Variants in MAN1A2 observed in about 807,000 individuals in gnomAD.
MAN1A2 encodes the protein mannosyl-oligosaccharide 1,2-alpha-mannosidase IB.
Under a neutral mutation model 75.7 loss-of-function variants are expected in MAN1A2, and 26 were observed. The ratio of observed to expected loss-of-function variants is 0.34; its 90% CI spans 0.25 to 0.48. The LOEUF (loss-of-function observed/expected upper bound fraction) is 0.48, where lower values mean the gene tolerates loss of function less well. MAN1A2 is among the 20% of genes least tolerant of loss of function. The pLI is 0.99. For missense variants in MAN1A2, 562 were observed against 775.5 expected (o/e 0.72, Z 3.27); for synonymous variants, 247 against 264.6 (o/e 0.93, Z 0.65).
At chr1:117,458,760 G>A (rs1649713875) in intron 6 of MAN1A2, among the ~76,000 whole-genome samples, 1 of 151,766 alleles carries the variant, frequency 6.6e-6, no homozygotes, top group Non-Finnish European at 1.5e-5. Flanking sequence ...CTGACCTCAG[G>A]TAATCTGCCC....
In MAN1A2 at chr1:117,522,807, TCC is replaced by T. The variant is rs1651903575; in HGVS notation, c.1794-15_1794-14del. On this transcript the variant is annotated splice_polypyrimidine_tract_variant and intron_variant, in intron 12 of 12. Transcript: ENST00000356554. ...TTGAATTCTAACTGAAGCTCATTTC[TCC>T]CCTTTTTATTTTCAGATATTTGTAT... 6.2e-7 allele frequency: 1 copy of T among 1,607,730 alleles called. No homozygotes were observed. Among genetic ancestry groups the T allele is most frequent in the East Asian group, 2.2e-5 (1 of 44,810 alleles).
chr1:117,452,905 A>C (rs1181872883), intron 6 of MAN1A2, among the ~76,000 whole-genome samples: 4 of 152,236 alleles, frequency 2.6e-5, no homozygotes, highest in Admixed American at 2.0e-4. Flanking sequence ...TTTCAAGGAC[A>C]GGCTGACTCT....
At chr1:117,400,060 G>A (rs1395370273) in intron 1 of MAN1A2, among the ~76,000 whole-genome samples, 5 of 152,076 alleles carry the variant, frequency 3.3e-5, no homozygotes, top group Non-Finnish European at 7.4e-5. Context: ...ACTTCAGTCA[G>A]CACCTATGTG....
intron 6 of MAN1A2, among the ~76,000 whole-genome samples, chr1:117,448,732 T>A (rs905712292): frequency 2.0e-5 from 3 of 152,156 alleles, no homozygotes; most frequent in African/African-American, 7.2e-5. Flanking sequence ...TGGGGCAGTG[T>A]CAGATGGTTT....
chr1:117,428,380 G>T lies in MAN1A2; in HGVS notation c.855+7731G>T, dbSNP rs560007871. On this transcript the variant is annotated intron_variant, in intron 5 of 12. Coordinates refer to ENST00000356554, the MANE Select transcript of MAN1A2 (RefSeq NM_006699.5). ...TCTTCCTGCCTTGGCCTCCCAAAGT[G>T]CTGGGATTACAAATGAAAGCCACTG... Among the ~76,000 whole-genome samples, 16 of 152,090 alleles carry T rather than the reference G, an allele frequency of 1.1e-4. No individual in the cohort carries two copies. In the East Asian group the frequency reaches 3.1e-3, roughly 29 times the overall value.
At chr1:117,519,699 CA>C (rs1450402151) in intron 12 of MAN1A2, among the ~76,000 whole-genome samples, 2 of 151,334 alleles carry the variant, frequency 1.3e-5, no homozygotes, top group East Asian at 1.9e-4. Flanking sequence ...CAATTACCAA[CA>C]AAAAAAAGCC....
At chr1:117,487,490 A>G (rs1650748876) in intron 8 of MAN1A2, among the ~76,000 whole-genome samples, 1 of 152,084 alleles carries the variant, frequency 6.6e-6, no homozygotes, top group Non-Finnish European at 1.5e-5. Context: ...TAAAAGCTAT[A>G]CAAGAAAGTC....
rs1651939860 is a variant in MAN1A2 at position 117,524,008 on chromosome 1, C to G, written c.*1051C>G. ...TTATAACTTACTAAAGCAGAACAAA[C>G]AGTGAAACTTTCTAAAATATTCTAT... On this transcript the variant is annotated 3_prime_UTR_variant, in exon 13 of 13. Transcript: ENST00000356554. 1 of 152,118 alleles carries G rather than the reference C, an allele frequency of 6.6e-6. No individual in the cohort carries two copies. Among genetic ancestry groups the G allele is most frequent in the South Asian group, 2.1e-4 (1 of 4,820 alleles). The allele number at this position is 152,118 out of a possible 1,614,324, so 9.4% of individuals were successfully genotyped here. A position where few individuals can be genotyped will look rare whatever the true frequency, so the allele number is the denominator to read the frequency against.
intron 1 of MAN1A2, among the ~76,000 whole-genome samples, chr1:117,393,200 T>G (rs1044161335): frequency 1.3e-5 from 2 of 152,222 alleles, no homozygotes; most frequent in Non-Finnish European, 2.9e-5. Context: ...GAAAATCATC[T>G]TAGACCAGAT....
intron 8 of MAN1A2, among the ~76,000 whole-genome samples, chr1:117,492,192 C>T (rs1280526388): frequency 1.3e-5 from 2 of 152,018 alleles, no homozygotes; most frequent in Non-Finnish European, 1.5e-5. Context: ...GATCTTTCGT[C>T]CTGCAGAGAA....
At chr1:117,377,623 C>T (rs1170944292) in intron 1 of MAN1A2, among the ~76,000 whole-genome samples, 1 of 152,144 alleles carries the variant, frequency 6.6e-6, no homozygotes, top group East Asian at 1.9e-4. Context: ...TGTCTGTCAG[C>T]AGGGTATTAG....
At chr1:117,486,931 G>A (rs1650724970) in intron 8 of MAN1A2, among the ~76,000 whole-genome samples, 1 of 152,108 alleles carries the variant, frequency 6.6e-6, no homozygotes, top group East Asian at 1.9e-4. Flanking sequence ...AATTTAATCA[G>A]TGTTTAAGTG....
At chr1:117,508,704 C>T (rs987764013) in intron 12 of MAN1A2, among the ~76,000 whole-genome samples, 8 of 151,208 alleles carry the variant, frequency 5.3e-5, no homozygotes, top group Non-Finnish European at 1.2e-4. Context: ...ATCATGAAGC[C>T]AAAACAATTG....
rs1396698405 is a variant in MAN1A2, at chr1:117,483,120, C to G, written c.1169-10027C>G. Reference sequence around the variant, plus strand: ...TATATATCTGTTCTGGTACCAATACCATGCTGTTTTGGTTACTGTAGCCTT... The same window carrying G: ...TATATATCTGTTCTGGTACCAATACGATGCTGTTTTGGTTACTGTAGCCTT... On this transcript the variant is annotated intron_variant, in intron 8 of 12. Coordinates refer to ENST00000356554, the MANE Select transcript of MAN1A2 (RefSeq NM_006699.5). Among the ~76,000 whole-genome samples the G allele has an allele frequency of 2.0e-5, 3 of 152,070 alleles. No individual in the cohort carries two copies. In the East Asian group the frequency reaches 5.8e-4, roughly 29 times the overall value.
intron 1 of MAN1A2, among the ~76,000 whole-genome samples, chr1:117,394,981 C>T (rs1236158374): frequency 6.6e-6 from 1 of 152,030 alleles, no homozygotes; most frequent in Non-Finnish European, 1.5e-5. Flanking sequence ...AACCAAAATT[C>T]CAGCGTAATT....
At chr1:117,386,059 T>C (rs1653515480) in intron 1 of MAN1A2, among the ~76,000 whole-genome samples, 1 of 152,218 alleles carries the variant, frequency 6.6e-6, no homozygotes, top group African/African-American at 2.4e-5. Context: ...CTGCTAGATG[T>C]TAGGAAGATT....
At chr1:117,459,785 G>GGACC (rs2101834450) in intron 6 of MAN1A2, among the ~76,000 whole-genome samples, 1 of 152,124 alleles carries the variant, frequency 6.6e-6, no homozygotes, top group African/African-American at 2.4e-5. Context: ...ATAGCCCAAG[G>GGACC]GACCATCAAT....
At chr1:117,437,669 T>G (rs900020185) in intron 5 of MAN1A2, among the ~76,000 whole-genome samples, 22 of 152,138 alleles carry the variant, frequency 1.4e-4, no homozygotes, top group Non-Finnish European at 3.2e-4. Flanking sequence ...CTTATTCATT[T>G]TATATCAGTT....
intron 7 of MAN1A2, among the ~76,000 whole-genome samples, chr1:117,461,583 G>A (rs1649822194): frequency 6.6e-6 from 1 of 152,004 alleles, no homozygotes; most frequent in Non-Finnish European, 1.5e-5. Context: ...AATGATAAAT[G>A]TTTGAAGTGA....
Sources: gnomAD v4.1 joint callset for allele counts (sites outside exome capture counted in the v4.1 genomes callset) on GRCh38, gnomAD v4.1.1 for gene constraint, MANE v1.5 for transcripts, NCBI Gene and HGNC (gene_info 2026-07-23, HGNC 2026-07-21) for gene names.